Variants in UBE2QL1 observed in about 807,000 individuals in gnomAD.
UBE2QL1 encodes the protein ubiquitin conjugating enzyme E2 QL1.
UBE2QL1 carries 5 observed loss-of-function variants against 12.6 expected under a neutral mutation model. The observed-to-expected ratio is 0.40, with a 90% CI of 0.21 to 0.83. The LOEUF (loss-of-function observed/expected upper bound fraction) is 0.83. Ranked by LOEUF, UBE2QL1 falls within the 40% of genes least tolerant of loss-of-function variation. UBE2QL1 has a pLI of 0.37. For missense variants in UBE2QL1, 99 were observed against 222.6 expected, an observed-to-expected ratio of 0.44 and a Z score of 3.53; for synonymous variants, 96 against 94.5, an observed-to-expected ratio of 1.02 and a Z score of -0.10.
chr5:6,461,297 C>T lies in UBE2QL1; in HGVS notation c.354+12050C>T, dbSNP rs1420203757. Among the ~76,000 whole-genome samples the T allele has an allele frequency of 5.5e-4, 83 of 152,150 alleles. 1 individual carries two copies. The highest frequency in any genetic ancestry group is 5.4e-3 in the Admixed American group (83 of 15,282). On this transcript the variant is annotated intron_variant, in intron 1 of 1. Transcript: ENST00000399816. ...CCAAAATCTAGGGTGAGGCTTTCTG[C>T]ATTTGGGAAGAGACTGACCAGCTAT...
chr5:6,455,572 G>T (rs1739504058), intron 1 of UBE2QL1, among the ~76,000 whole-genome samples: 2 of 152,290 alleles, frequency 1.3e-5, no homozygotes, highest in South Asian at 2.1e-4. Flanking sequence ...CCTGAGGAGT[G>T]TGCAGATTAT....
intron 1 of UBE2QL1, among the ~76,000 whole-genome samples, chr5:6,460,278 A>G (rs1187212342): frequency 6.6e-6 from 1 of 152,248 alleles, no homozygotes; most frequent in Non-Finnish European, 1.5e-5. Flanking sequence ...AAAGGAAATG[A>G]TGACACGTGT....
intron 1 of UBE2QL1, among the ~76,000 whole-genome samples, chr5:6,473,408 C>T (rs886586403): frequency 2.6e-5 from 4 of 152,204 alleles, no homozygotes; most frequent in African/African-American, 9.7e-5. Context: ...CAGTGGGTGA[C>T]AGCAGGGTGA....
At chr5:6,463,366 T>C (rs272476) in intron 1 of UBE2QL1, among the ~76,000 whole-genome samples, 141,070 of 152,160 alleles carry the variant, frequency 0.93, 65,692 homozygotes, top group East Asian at 1. Context: ...GAAAAGAGGG[T>C]CACATGAACA....
intron 1 of UBE2QL1, among the ~76,000 whole-genome samples, chr5:6,455,648 G>C (rs1286770440): frequency 2.0e-5 from 3 of 152,104 alleles, no homozygotes; most frequent in Non-Finnish European, 2.9e-5. Context: ...CCTGACAGAG[G>C]CTGGTCCAAA....
rs956188569 is a variant in UBE2QL1, at chr5:6,449,304, G to T, written c.354+57G>T. Reference sequence around the variant, plus strand: ...GGGCCGAGATCGGGTCTGCAGCGCCGCCGGGCGCCCGGGCCCCGTGGTGAG... The same window carrying T: ...GGGCCGAGATCGGGTCTGCAGCGCCTCCGGGCGCCCGGGCCCCGTGGTGAG... On this transcript the variant is annotated intron_variant, in intron 1 of 1. Coordinates refer to ENST00000399816, the MANE Select transcript of UBE2QL1 (RefSeq NM_001145161.3). 4.6e-6 allele frequency: 6 copies of T among 1,298,824 alleles called. No individual in the cohort carries two copies. In the African/African-American group the frequency reaches 9.3e-5, roughly 20 times the overall value. 80.5% of individuals were successfully genotyped at this position (1,298,824 alleles called of 1,614,324 possible).
intron 1 of UBE2QL1, among the ~76,000 whole-genome samples, chr5:6,473,132 GA>G (rs1739951669): frequency 6.6e-6 from 1 of 152,192 alleles, no homozygotes; most frequent in South Asian, 2.1e-4. Context: ...CTGCCTTTAG[GA>G]ATGCGGCCTC....
At chr5:6,451,812 T>G (rs981375267) in intron 1 of UBE2QL1, among the ~76,000 whole-genome samples, 3 of 152,238 alleles carry the variant, frequency 2.0e-5, no homozygotes, top group Non-Finnish European at 2.9e-5. Flanking sequence ...TATGTACTTT[T>G]GCAAATTCAC....
In UBE2QL1 at chr5:6,478,745, G is replaced by A. The variant is rs928749551; in HGVS notation, c.355-12473G>A. ...AAGTGTCCTGATCACCCAATGGCAC[G>A]GGTGATCAAAGCCACAGCAGACCAC... is the stretch of plus-strand genomic sequence containing the variant. On this transcript the variant is annotated intron_variant, in intron 1 of 1. Coordinates refer to ENST00000399816, the MANE Select transcript of UBE2QL1 (RefSeq NM_001145161.3). This position sits in a 1 kb window ranked among gnomAD's most constrained non-coding sequence, Gnocchi z 4.5. Among the ~76,000 whole-genome samples, 10 of 152,006 alleles carry A rather than the reference G, an allele frequency of 6.6e-5. No individual in the cohort carries two copies. Among genetic ancestry groups the A allele is most frequent in the Non-Finnish European group, 1.0e-4 (7 of 67,996 alleles).
rs189470896 is a variant in UBE2QL1, at chr5:6,478,289, A to G, written c.355-12929A>G. On this transcript the variant is annotated intron_variant, in intron 1 of 1. Transcript: ENST00000399816. The surrounding 1 kb of genome is among the most constrained non-coding windows in gnomAD (Gnocchi z 4.5). ...GCATTGTGAAACTCTAGTGCTGAGCATGCTGTATGACATGAGCTTTCTCTG... is the reference window on the plus strand; with the variant it reads ...GCATTGTGAAACTCTAGTGCTGAGCGTGCTGTATGACATGAGCTTTCTCTG... Among the ~76,000 whole-genome samples the G allele has an allele frequency of 7.9e-5, 12 of 152,322 alleles. No individual in the cohort carries two copies. The East Asian group carries it at 1.9e-3, about 24-fold the overall frequency.
intron 1 of UBE2QL1, among the ~76,000 whole-genome samples, chr5:6,458,786 G>A (rs1739588117): frequency 6.6e-6 from 1 of 152,230 alleles, no homozygotes; most frequent in African/African-American, 2.4e-5. Context: ...TGAGTTACAA[G>A]CTTAAATTAA....
chr5:6,450,096 C>G (rs950460712), intron 1 of UBE2QL1, among the ~76,000 whole-genome samples: 15 of 150,284 alleles, frequency 1.0e-4, no homozygotes, highest in African/African-American at 2.7e-4. Flanking sequence ...ACCCCCCCCC[C>G]CCACGGCAAT....
chr5:6,488,457 CA>C (rs200680109), intron 1 of UBE2QL1, among the ~76,000 whole-genome samples: 3,456 of 139,258 alleles, frequency 0.025, 49 homozygotes, highest in Non-Finnish European at 0.031. Context: ...GCATTTTCGC[CA>C]AAAAAAAAAA....
intron 1 of UBE2QL1, among the ~76,000 whole-genome samples, chr5:6,466,438 G>A (rs1435214320): frequency 6.6e-6 from 1 of 152,238 alleles, no homozygotes; most frequent in East Asian, 1.9e-4. Context: ...CCTCCTGGGG[G>A]GCTGTGTCCT....
Position 6,448,983 on chromosome 5 carries a change from G to A in UBE2QL1, c.90G>A (p.Lys30=). ...VDESLFDWNV[K]LHQVDKDSVL... is the part of the protein sequence containing the mutation. ...AGAGCCTGTTCGACTGGAACGTGAA[G>A]CTGCACCAGGTGGACAAGGACTCGG... is the stretch of plus-strand genomic sequence containing the variant. Residue 30 remains lysine (K), a synonymous_variant, in exon 1 of 2, where the codon AAG becomes AAA. Coordinates refer to ENST00000399816, the MANE Select transcript of UBE2QL1 (RefSeq NM_001145161.3). 1.3e-6 allele frequency: 2 copies of A among 1,549,748 alleles called. No homozygotes were observed. The highest frequency in any genetic ancestry group is 1.7e-6 in the Non-Finnish European group (2 of 1,146,206).
chr5:6,460,149 C>T (rs958845748), intron 1 of UBE2QL1, among the ~76,000 whole-genome samples: 3 of 152,120 alleles, frequency 2.0e-5, no homozygotes, highest in Admixed American at 6.5e-5. Context: ...AAGGCTCCAG[C>T]GCCTTACCCC....
At chr5:6,471,939 G>A (rs1358416284) in intron 1 of UBE2QL1, among the ~76,000 whole-genome samples, 1 of 152,046 alleles carries the variant, frequency 6.6e-6, no homozygotes, top group African/African-American at 2.4e-5. Flanking sequence ...GGTGTAGGGA[G>A]AGGTTAATGA....
chr5:6,493,208 C>T lies in UBE2QL1; in HGVS notation c.*1859C>T, dbSNP rs1008315961. 1.3e-5 allele frequency: 2 copies of T among 152,194 alleles called. No individual in the cohort carries two copies. The highest frequency in any genetic ancestry group is 6.5e-5 in the Admixed American group (1 of 15,272). The allele number at this position is 152,194 out of a possible 1,614,324, so 9.4% of individuals were successfully genotyped here. A position where few individuals can be genotyped will look rare whatever the true frequency, so the allele number is the denominator to read the frequency against. On this transcript the variant is annotated 3_prime_UTR_variant, in exon 2 of 2. Transcript: ENST00000399816. Reference sequence around the variant, plus strand: ...ATCCAACCCTCTATGGTGGCATTCTCCATCCTGGAAACCTGACATTTGGCT... The same window carrying T: ...ATCCAACCCTCTATGGTGGCATTCTTCATCCTGGAAACCTGACATTTGGCT...
At chr5:6,465,451 A>C (rs1739764878) in intron 1 of UBE2QL1, among the ~76,000 whole-genome samples, 1 of 152,230 alleles carries the variant, frequency 6.6e-6, no homozygotes. Flanking sequence ...GGCTGAGTCT[A>C]AATAGAAGTG....
Sources: gnomAD v4.1 joint callset for allele counts (sites outside exome capture counted in the v4.1 genomes callset) on GRCh38, gnomAD v4.1.1 for gene constraint, Gnocchi (gnomAD v3.1) non-coding constraint, MANE v1.5 for transcripts, NCBI Gene and HGNC (gene_info 2026-07-23, HGNC 2026-07-21) for gene names.